EHMT1: variants seen among roughly 807,000 people sequenced by gnomAD.
EHMT1 encodes euchromatic histone lysine methyltransferase 1, also known as histone-lysine N-methyltransferase EHMT1.
EHMT1 carries 15 observed loss-of-function variants against 147.2 expected under a neutral mutation model. The observed-to-expected ratio is 0.10, with a 90% CI of 0.07 to 0.16. EHMT1 has a LOEUF of 0.16. EHMT1 is among the 10% of genes least tolerant of loss of function. EHMT1 has a pLI of 1.00. For missense variants in EHMT1, 1,587 were observed against 1,772.4 expected, an observed-to-expected ratio of 0.90 and a Z score of 1.88; for synonymous variants, 795 against 709.6, an observed-to-expected ratio of 1.12 and a Z score of -1.91.
chr9:137,718,058 C>T (rs1369535765), intron 3 of EHMT1, among the ~76,000 whole-genome samples: 1 of 151,460 alleles, frequency 6.6e-6, no homozygotes, highest in African/African-American at 2.4e-5. Context: ...TGCGCCCACC[C>T]CTCACGCACT....
At chr9:137,733,798 G>T (rs1947312501) in intron 4 of EHMT1, among the ~76,000 whole-genome samples, 1 of 152,178 alleles carries the variant, frequency 6.6e-6, no homozygotes, top group Non-Finnish European at 1.5e-5. Flanking sequence ...AGACATTAAA[G>T]ACTAGGATAT....
intron 17 of EHMT1, chr9:137,800,582 C>A: frequency 2.1e-6 from 1 of 476,292 alleles, no homozygotes; most frequent in Non-Finnish European, 3.9e-6. Context: ...GTTGGTGCGT[C>A]CCCAGTGAGT....
intron 1 of EHMT1, among the ~76,000 whole-genome samples, chr9:137,625,753 G>T (rs1843213756): frequency 6.6e-6 from 1 of 151,696 alleles, no homozygotes; most frequent in South Asian, 2.1e-4. Flanking sequence ...GTCATGTCTT[G>T]GTCTTGTTCT....
At chr9:137,677,807 C>G (rs968982432) in intron 1 of EHMT1, among the ~76,000 whole-genome samples, 3 of 151,980 alleles carry the variant, frequency 2.0e-5, no homozygotes, top group Admixed American at 6.6e-5. Flanking sequence ...GCCTGTAATC[C>G]CAGCACTTTG....
intron 1 of EHMT1, among the ~76,000 whole-genome samples, chr9:137,662,015 T>C (rs1939137668): frequency 1.3e-5 from 2 of 152,020 alleles, no homozygotes; most frequent in African/African-American, 4.8e-5. Context: ...TTGGTCAGGC[T>C]GGTCTCGAAC....
chr9:137,817,651 G>A, intron 24 of EHMT1, 126 bp downstream of exon 24: 2 of 1,231,944 alleles, frequency 1.6e-6, no homozygotes, highest in Non-Finnish European at 1.2e-6. Flanking sequence ...CGTGGGGTGG[G>A]GGCCACAGAG....
chr9:137,764,789 T>C (rs1950105798), intron 10 of EHMT1: 1 of 152,260 alleles, frequency 6.6e-6, no homozygotes, highest in Non-Finnish European at 1.5e-5. Context: ...TTAAGTCTTT[T>C]GTGTTTCTTT....
Position 137,775,017 on chromosome 9 carries a change from CTCTTGTGT to C in EHMT1, c.1648-91_1648-84del, listed in dbSNP as rs1214375957. 1.9e-6 allele frequency: 3 copies of C among 1,579,680 alleles called. No individual in the cohort carries two copies. In the East Asian group the frequency reaches 6.7e-5, roughly 35 times the overall value. ...CAGTCAGCCCACACCTGCTGAGCAG[CTCTTGTGT>C]GCCTGCACTGCCCAGCGCCTGGTGG... is the stretch of plus-strand genomic sequence containing the variant. On this transcript the variant is annotated intron_variant, in intron 10 of 26. Transcript: ENST00000460843. This position sits in a 1 kb window ranked among gnomAD's most constrained non-coding sequence, Gnocchi z 6.1.
In EHMT1 at chr9:137,782,709, G is replaced by C. The variant is rs1240512781; in HGVS notation, c.2382+312G>C. Reference sequence around the variant, plus strand: ...TCTGGGGGAGCCAAGCACTCGCAGAGGCACGGACGCCCCTCCCCCAGCCCC... The same window carrying C: ...TCTGGGGGAGCCAAGCACTCGCAGACGCACGGACGCCCCTCCCCCAGCCCC... On this transcript the variant is annotated intron_variant, in intron 15 of 26. Coordinates refer to ENST00000460843, the MANE Select transcript of EHMT1 (RefSeq NM_024757.5). The surrounding 1 kb of genome is among the most constrained non-coding windows in gnomAD (Gnocchi z 5.7). 1.3e-5 allele frequency among the ~76,000 whole-genome samples: 2 copies of C among 152,200 alleles called. No homozygotes were observed. The highest frequency in any genetic ancestry group is 2.1e-4 in the South Asian group (1 of 4,830).
intron 2 of EHMT1, 137 bp downstream of exon 2, chr9:137,711,167 A>G (rs1413662574): frequency 3.6e-6 from 3 of 829,508 alleles, no homozygotes; most frequent in Non-Finnish European, 5.4e-6. Flanking sequence ...TTTCTAATCT[A>G]TCCCATTCCT....
intron 1 of EHMT1, among the ~76,000 whole-genome samples, chr9:137,686,108 G>A (rs1456331060): frequency 6.6e-6 from 1 of 151,936 alleles, no homozygotes. Context: ...CCAGATACTG[G>A]GCCCTTACCA....
At chr9:137,661,124 A>G (rs942099378) in intron 1 of EHMT1, among the ~76,000 whole-genome samples, 4 of 152,160 alleles carry the variant, frequency 2.6e-5, no homozygotes, top group African/African-American at 7.2e-5. Flanking sequence ...GTTTGAAATA[A>G]TTTTAGACTT....
intron 8 of EHMT1, among the ~76,000 whole-genome samples, chr9:137,756,395 G>A (rs1274201200): frequency 6.6e-6 from 1 of 152,190 alleles, no homozygotes; most frequent in African/African-American, 2.4e-5. Context: ...GCAGCACTTT[G>A]TTCTTATTCA....
intron 1 of EHMT1, among the ~76,000 whole-genome samples, chr9:137,651,882 T>C (rs1231523408): frequency 6.6e-6 from 1 of 152,224 alleles, no homozygotes; most frequent in African/African-American, 2.4e-5. Context: ...TTATGTGTCC[T>C]GCTCAGGTAA....
At chr9:137,715,243 A>G (rs1564624880) in intron 2 of EHMT1, among the ~76,000 whole-genome samples, 1 of 152,238 alleles carries the variant, frequency 6.6e-6, no homozygotes, top group East Asian at 1.9e-4. Flanking sequence ...TAGTGTTAAT[A>G]GATCTTATAT....
At chr9:137,695,767 C>T (rs529173577) in intron 1 of EHMT1, among the ~76,000 whole-genome samples, 2 of 152,344 alleles carry the variant, frequency 1.3e-5, no homozygotes, top group South Asian at 4.1e-4. Context: ...CCGTCTGTGT[C>T]ATGGGCTGCC....
intron 1 of EHMT1, among the ~76,000 whole-genome samples, chr9:137,650,666 CTTTT>C (rs75230304): frequency 2.5e-5 from 3 of 121,582 alleles, no homozygotes; most frequent in African/African-American, 6.4e-5. Context: ...GGACCCCCCG[CTTTT>C]TTTTTTTTTT....
At chr9:137,812,955 CAT>C (rs1564809333) in intron 19 of EHMT1, 49 bp from the exon 20 acceptor site, 1 of 1,607,902 alleles carries the variant, frequency 6.2e-7, no homozygotes, top group Admixed American at 1.7e-5. Context: ...ATCTGTATCA[CAT>C]TTTCAAGTCA....
chr9:137,719,911 A>C (rs1461020868), intron 3 of EHMT1, among the ~76,000 whole-genome samples: 2 of 80,800 alleles, frequency 2.5e-5, no homozygotes, highest in Non-Finnish European at 5.1e-5. Flanking sequence ...ACCAGGACAC[A>C]GTCGAGGTGC....
Sources: gnomAD v4.1 joint callset for allele counts (sites outside exome capture counted in the v4.1 genomes callset) on GRCh38, gnomAD v4.1.1 for gene constraint, Gnocchi (gnomAD v3.1) non-coding constraint, MANE v1.5 for transcripts, NCBI Gene and HGNC (gene_info 2026-07-23, HGNC 2026-07-21) for gene names.